CBL: variants seen among roughly 807,000 people sequenced by gnomAD.
CBL encodes the protein E3 ubiquitin-protein ligase CBL.
Under a neutral mutation model 96.9 loss-of-function variants are expected in CBL, and 45 were observed. The observed-to-expected ratio is 0.46, with a 90% CI of 0.37 to 0.60. CBL has a LOEUF of 0.60. CBL is among the 20% of genes least tolerant of loss of function. The probability of loss-of-function intolerance (pLI) is 0.00; values close to 1 mark genes in which losing one functional copy is unlikely to be tolerated. For missense variants in CBL, 1,024 were observed against 1,143.5 expected, an observed-to-expected ratio of 0.90 and a Z score of 1.51; for synonymous variants, 420 against 426.8, an observed-to-expected ratio of 0.98 and a Z score of 0.20.
rs761053226 is a variant in CBL, at chr11:119,278,288, A to G, written c.1218A>G (p.Thr406=). The G allele has an allele frequency of 4.2e-5, 68 of 1,613,996 alleles. No individual in the cohort carries two copies. The South Asian group carries it at 6.9e-4, about 16-fold the overall frequency. The change falls in exon 8 of 16, where the codon ACA becomes ACG. Residue 406 remains threonine (T), a synonymous_variant. Transcript: ENST00000264033. ...ACCTCATGTGCACATCCTGTCTTAC[A>G]TCCTGGCAGGTACGGATCTAAACAG... is the stretch of plus-strand genomic sequence containing the variant. The part of the protein sequence containing the change: ...CGHLMCTSCL[T]SWQESEGQGC...
chr11:119,271,214 C>T (rs986124791), intron 2 of CBL, among the ~76,000 whole-genome samples: 4 of 152,188 alleles, frequency 2.6e-5, no homozygotes, highest in African/African-American at 7.2e-5. Context: ...TTTTTTCTTC[C>T]GTGATAGAGT....
intron 2 of CBL, among the ~76,000 whole-genome samples, chr11:119,233,525 C>T (rs1368846977): frequency 3.3e-5 from 5 of 152,176 alleles, no homozygotes; most frequent in East Asian, 1.9e-4. Flanking sequence ...TGAGCCATCA[C>T]GCCTGGCCCT....
intron 5 of CBL, among the ~76,000 whole-genome samples, 184 bp downstream of exon 5, chr11:119,275,137 GC>G (rs1406405081): frequency 6.6e-6 from 1 of 152,126 alleles, no homozygotes; most frequent in Non-Finnish European, 1.5e-5. Context: ...ATGTTTTCAG[GC>G]CACTTAAGAA....
chr11:119,232,732 C>G (rs758093256), intron 2 of CBL, 37 bp downstream of exon 2: 2 of 1,594,958 alleles, frequency 1.3e-6, no homozygotes, highest in Admixed American at 3.3e-5. Context: ...TTATGCAGGT[C>G]TGTGACTGCC....
chr11:119,214,399 G>A (rs1221223361), intron 1 of CBL, among the ~76,000 whole-genome samples: 1 of 152,132 alleles, frequency 6.6e-6, no homozygotes, highest in Non-Finnish European at 1.5e-5. Context: ...ACAGGCGTGT[G>A]CCACCACACC....
In CBL at chr11:119,303,412, T is replaced by G. The variant is rs1950114477; in HGVS notation, c.*3631T>G. 8.6e-6 allele frequency: 2 copies of G among 233,488 alleles called. No homozygotes were observed. Among genetic ancestry groups the G allele is most frequent in the Non-Finnish European group, 1.7e-5 (2 of 118,006 alleles). The allele number at this position is 233,488 out of a possible 1,614,324, so 14.5% of individuals were successfully genotyped here. A position where few individuals can be genotyped will look rare whatever the true frequency, so the allele number is the denominator to read the frequency against. On this transcript the variant is annotated 3_prime_UTR_variant, in exon 16 of 16. Coordinates refer to ENST00000264033, the MANE Select transcript of CBL (RefSeq NM_005188.4). ...ATGAGTGATGACCATGTGCCAGAAA[T>G]GTCAGGTATGTGTCCTTCCCTTGGC...
At chr11:119,271,986 A>G in intron 3 of CBL, 105 bp downstream of exon 3, 1 of 1,054,646 alleles carries the variant, frequency 9.5e-7, no homozygotes, top group Non-Finnish European at 1.4e-6. Flanking sequence ...ACTCTGAGAA[A>G]AGTAATATAT....
chr11:119,266,110 C>T (rs1200356206), intron 2 of CBL, among the ~76,000 whole-genome samples: 1 of 151,350 alleles, frequency 6.6e-6, no homozygotes, highest in Non-Finnish European at 1.5e-5. Flanking sequence ...GTGAGAGGAT[C>T]GCTTGAGTCT....
chr11:119,285,320 G>T lies in CBL; in HGVS notation c.1695G>T (p.Leu565Phe). 1.2e-6 allele frequency: 2 copies of T among 1,614,086 alleles called. No individual in the cohort carries two copies. The highest frequency in any genetic ancestry group is 1.7e-6 in the Non-Finnish European group (2 of 1,180,028). ...GAESRPQRRP[L>F]PCTPGDCPSR... is the part of the protein sequence containing the mutation. ...AATCCCGACCTCAAAGACGCCCCTT[G>T]CCTTGTACACCAGGCGACTGTCCCT... is the stretch of plus-strand genomic sequence containing the variant. Residue 565 changes from leucine (L) to phenylalanine (F), a missense_variant, in exon 11 of 16, where the codon TTG becomes TTT. Leu to Phe is a conservative substitution (Grantham distance 22). Coordinates refer to ENST00000264033, the MANE Select transcript of CBL (RefSeq NM_005188.4).
At chr11:119,262,041 C>G (rs987150212) in intron 2 of CBL, among the ~76,000 whole-genome samples, 5 of 152,160 alleles carry the variant, frequency 3.3e-5, no homozygotes, top group African/African-American at 1.2e-4. Flanking sequence ...CCTGCAGAAT[C>G]ATGGCATGCA....
At chr11:119,264,392 T>TCTTCTCTTCTCTTCTCTTCTCTTCC (rs1474665357) in intron 2 of CBL, among the ~76,000 whole-genome samples, 7 of 55,364 alleles carry the variant, frequency 1.3e-4, no homozygotes, top group Non-Finnish European at 2.6e-4. Context: ...TTTTCTTTTC[T>TCTTCTCTTCTCTTCTCTTCTCTTCC]CTTCTCTTCT....
At chr11:119,281,463 C>T (rs1949932446) in intron 9 of CBL, among the ~76,000 whole-genome samples, 1 of 150,378 alleles carries the variant, frequency 6.6e-6, no homozygotes, top group African/African-American at 2.4e-5. Context: ...TTTTGCTTTT[C>T]AGCGCTTCCT....
chr11:119,228,196 A>G (rs1592375477), intron 1 of CBL, among the ~76,000 whole-genome samples: 1 of 151,706 alleles, frequency 6.6e-6, no homozygotes, highest in African/African-American at 2.4e-5. Context: ...GCTGACTGCA[A>G]CCTCCGCCTC....
intron 9 of CBL, among the ~76,000 whole-genome samples, chr11:119,279,437 G>A (rs1046867252): frequency 2.0e-5 from 3 of 151,754 alleles, no homozygotes; most frequent in Non-Finnish European, 2.9e-5. Context: ...GTTGAGCCCA[G>A]CAATTCGACA....
chr11:119,206,820 A>T (rs1157429351), intron 1 of CBL, among the ~76,000 whole-genome samples: 2 of 145,048 alleles, frequency 1.4e-5, no homozygotes, highest in African/African-American at 2.6e-5. Context: ...TGCCGTTGGG[A>T]GTCGGGGAAC....
chr11:119,249,761 G>A (rs1279786684), intron 2 of CBL, among the ~76,000 whole-genome samples: 1 of 149,850 alleles, frequency 6.7e-6, no homozygotes, highest in East Asian at 2.0e-4. Flanking sequence ...CTCAAGTATC[G>A]ATCCTCCCAC....
chr11:119,296,790 G>T (rs1950064887), intron 12 of CBL, 128 bp from the exon 13 acceptor site: 1 of 679,336 alleles, frequency 1.5e-6, no homozygotes, highest in East Asian at 2.7e-5. Flanking sequence ...AGAAATAATA[G>T]TTCCCTAGGT....
intron 1 of CBL, among the ~76,000 whole-genome samples, chr11:119,231,480 GCC>G: frequency 6.6e-6 from 1 of 151,910 alleles, no homozygotes. Flanking sequence ...GGAGGCTGAG[GCC>G]AGTGGATCAT....
intron 2 of CBL, among the ~76,000 whole-genome samples, chr11:119,254,752 C>T (rs1256708769): frequency 6.6e-6 from 1 of 152,068 alleles, no homozygotes; most frequent in African/African-American, 2.4e-5. Flanking sequence ...CAGGTGTGCA[C>T]CACCACGCCC....
Sources: gnomAD v4.1 joint callset for allele counts (sites outside exome capture counted in the v4.1 genomes callset) on GRCh38, gnomAD v4.1.1 for gene constraint, MANE v1.5 for transcripts, NCBI Gene and HGNC (gene_info 2026-07-23, HGNC 2026-07-21) for gene names.